MID1: variants seen among roughly 807,000 people sequenced by gnomAD.
MID1 encodes midline 1, also known as E3 ubiquitin-protein ligase Midline-1.
In MID1, 7 loss-of-function variants were observed where a neutral mutation model predicts 40.4. That is an observed-to-expected ratio of 0.17 (90% CI 0.10 to 0.33). The LOEUF is 0.33. Ranked by LOEUF, MID1 falls within the 10% of genes least tolerant of loss-of-function variation. The pLI is 1.00. For synonymous variants in MID1, 229 were observed against 221.2 expected (o/e 1.04, Z -0.31); for missense variants, 367 against 558.5 (o/e 0.66, Z 3.46).
intron 6 of MID1, among the ~76,000 whole-genome samples, chrX:10,473,514 C>T (rs1057061524): frequency 1.8e-5 from 2 of 111,975 alleles, no homozygotes; most frequent in African/African-American, 6.5e-5. Context: ...GTACAATGCT[C>T]CCTGAATATA....
At chrX:10,771,193 A>G (rs1396281534) in intron 1 of MID1, among the ~76,000 whole-genome samples, 1 of 111,361 alleles carries the variant, frequency 9.0e-6, no homozygotes, top group Non-Finnish European at 1.9e-5. Context: ...CCAATTGGAC[A>G]AAAGCAAATG....
intron 1 of MID1, among the ~76,000 whole-genome samples, chrX:10,703,973 T>A (rs2043209405): frequency 8.9e-6 from 1 of 112,466 alleles, no homozygotes. Context: ...TATCCTAATA[T>A]AAATATCTAA....
chrX:10,804,521 G>T (rs1410028875), intron 1 of MID1, among the ~76,000 whole-genome samples: 1 of 111,762 alleles, frequency 8.9e-6, no homozygotes, highest in Non-Finnish European at 1.9e-5. Context: ...CTCACCCATT[G>T]TATCTTTACG....
chrX:10,660,371 A>G (rs2042902471), intron 1 of MID1, among the ~76,000 whole-genome samples: 1 of 112,423 alleles, frequency 8.9e-6, no homozygotes, highest in Non-Finnish European at 1.9e-5. Context: ...GACACAAAGG[A>G]AGCTGCCCAC....
chrX:10,666,042 G>A (rs1205571901), intron 1 of MID1, among the ~76,000 whole-genome samples: 2 of 108,135 alleles, frequency 1.8e-5, no homozygotes, highest in African/African-American at 6.8e-5. Flanking sequence ...GCAGGGGATG[G>A]CTGGAAAGTG....
intron 1 of MID1, among the ~76,000 whole-genome samples, chrX:10,608,307 T>C (rs1179832836): frequency 1.8e-5 from 2 of 112,258 alleles, no homozygotes; most frequent in Non-Finnish European, 3.8e-5. Context: ...TACACACAAA[T>C]GCTCATAGCA....
At chrX:10,698,476 A>G (rs1311010393) in intron 1 of MID1, among the ~76,000 whole-genome samples, 2 of 111,399 alleles carry the variant, frequency 1.8e-5, no homozygotes, top group African/African-American at 3.3e-5. Context: ...TTCACATTTC[A>G]TAGTAAGGTA....
rs188903734 is a variant in MID1 at position 10,673,663 on chromosome X, C to T, written c.-186-53244G>A. Among the ~76,000 whole-genome samples the T allele has an allele frequency of 3.8e-3, 418 of 110,783 alleles. 5 individuals are homozygous for T. The highest frequency in any genetic ancestry group is 0.013 in the African/African-American group (385 of 30,456). ...AGCTATAGTGAGTTCTCAATTGATA[C>T]GAGATCTGGGAAGAAAGACATGGCT... On this transcript the variant is annotated intron_variant, in intron 1 of 10. Coordinates refer to the MID1 transcript ENST00000380785.
intron 9 of MID1, among the ~76,000 whole-genome samples, chrX:10,453,887 G>A (rs1928495618): frequency 1.8e-5 from 2 of 112,073 alleles, no homozygotes; most frequent in Non-Finnish European, 3.8e-5. Context: ...CAGTAAAGTG[G>A]ATAATATTAG....
At chrX:10,721,688 A>G (rs2043355875) in intron 1 of MID1, among the ~76,000 whole-genome samples, 1 of 106,294 alleles carries the variant, frequency 9.4e-6, no homozygotes, top group Admixed American at 1.0e-4. Flanking sequence ...AAAACCAATA[A>G]TTGTTTTCTC....
chrX:10,585,757 T>C (rs1168418302), intron 1 of MID1, among the ~76,000 whole-genome samples: 2 of 111,288 alleles, frequency 1.8e-5, no homozygotes, highest in Non-Finnish European at 3.8e-5. Context: ...GTAGCCTAAA[T>C]GACACAAGAC....
chrX:10,644,620 C>T (rs998974609), intron 1 of MID1, among the ~76,000 whole-genome samples: 2 of 110,844 alleles, frequency 1.8e-5, no homozygotes, highest in African/African-American at 3.3e-5. Context: ...TAGAACAGAC[C>T]TCGGTCTGGC....
chrX:10,746,983 T>C (rs2043562548), intron 1 of MID1, among the ~76,000 whole-genome samples: 1 of 107,623 alleles, frequency 9.3e-6, no homozygotes, highest in African/African-American at 3.7e-5. Context: ...TAAATGAAAA[T>C]AGCGTGAGTT....
At chrX:10,709,780 T>C (rs1035986087) in intron 1 of MID1, among the ~76,000 whole-genome samples, 7 of 112,123 alleles carry the variant, frequency 6.2e-5, no homozygotes, top group African/African-American at 2.3e-4. Context: ...TGACAGGTTA[T>C]AAAAGCCAGT....
At chrX:10,794,278 C>A (rs1031540605) in intron 1 of MID1, among the ~76,000 whole-genome samples, 3 of 111,967 alleles carry the variant, frequency 2.7e-5, no homozygotes, top group South Asian at 3.7e-4. Context: ...GTCCCCACCC[C>A]CAAGGTTCCA....
At chrX:10,713,202 G>A (rs892128936) in intron 1 of MID1, among the ~76,000 whole-genome samples, 5 of 111,864 alleles carry the variant, frequency 4.5e-5, no homozygotes, top group African/African-American at 6.5e-5. Flanking sequence ...AACCACGCCC[G>A]GCCTAGTTCA....
rs141674926 is a variant in MID1, at chrX:10,656,592, C to T, written c.-186-36173G>A. The stretch of plus-strand genomic sequence containing the variant: ...CCAACAGTCAGTTTCCAGCCTAGAT[C>T]TGAACCCTTTCTGGCCTATTCTGTT... On this transcript the variant is annotated intron_variant, in intron 1 of 10. Transcript: ENST00000380785. Among the ~76,000 whole-genome samples, 353 of 111,758 alleles carry T rather than the reference C, an allele frequency of 3.2e-3. 2 individuals carry two copies. Among genetic ancestry groups the T allele is most frequent in the African/African-American group, 0.011 (338 of 30,767 alleles).
chrX:10,757,517 T>C (rs905938200), intron 1 of MID1, among the ~76,000 whole-genome samples: 5 of 112,427 alleles, frequency 4.4e-5, no homozygotes, highest in Non-Finnish European at 7.5e-5. Context: ...CTAAAATGAA[T>C]ACTTGCTGCA....
At chrX:10,609,715 CTT>C (rs138559299) in intron 1 of MID1, among the ~76,000 whole-genome samples, 12 of 86,403 alleles carry the variant, frequency 1.4e-4, no homozygotes, top group African/African-American at 4.8e-4. Flanking sequence ...TTCTTTCTTT[CTT>C]TTTTTTTTTT....
Sources: gnomAD v4.1 joint callset for allele counts (sites outside exome capture counted in the v4.1 genomes callset) on GRCh38, gnomAD v4.1.1 for gene constraint, MANE v1.5 for transcripts, NCBI Gene and HGNC (gene_info 2026-07-23, HGNC 2026-07-21) for gene names.